The following GPR143 variants were observed in gnomAD, a reference collection of about 807,000 sequenced individuals.
GPR143 encodes the protein G-protein coupled receptor 143.
A neutral mutation model predicts 27.6 loss-of-function variants in GPR143; 8 were observed. The observed-to-expected ratio is 0.29, with a 90% confidence interval of 0.17 to 0.52. GPR143 has a LOEUF of 0.52. Ranked by LOEUF, GPR143 falls within the 20% of genes least tolerant of loss-of-function variation. The pLI is 0.96. For synonymous variants in GPR143, 156 were observed against 153.2 expected (o/e 1.02, Z -0.13); for missense variants, 303 against 343.1 (o/e 0.88, Z 0.92).
chrX:9,775,486 G>A (rs762146377), intron 1 of GPR143, among the ~76,000 whole-genome samples: 1 of 111,536 alleles, frequency 9.0e-6, no homozygotes, highest in Admixed American at 9.6e-5. Context: ...ATCGTCTTTC[G>A]TAACTCTCAC....
intron 3 of GPR143, among the ~76,000 whole-genome samples, chrX:9,753,327 C>T (rs1314798251): frequency 1.9e-5 from 2 of 106,604 alleles, no homozygotes; most frequent in Non-Finnish European, 3.8e-5. Context: ...CACTGCACTC[C>T]AGCCTGGGCG....
chrX:9,731,806 G>A (rs753167587), intron 8 of GPR143, among the ~76,000 whole-genome samples: 4 of 98,525 alleles, frequency 4.1e-5, no homozygotes, highest in Non-Finnish European at 6.3e-5. Context: ...TTGGGGGGGG[G>A]GGGAAGGAAT....
chrX:9,754,099 C>T (rs2083463762), intron 3 of GPR143, among the ~76,000 whole-genome samples: 2 of 111,033 alleles, frequency 1.8e-5, no homozygotes, highest in Non-Finnish European at 1.9e-5. Context: ...GCTGGAGCTC[C>T]ATGGGATGCA....
At chrX:9,729,189 C>T (rs931474235) in intron 8 of GPR143, among the ~76,000 whole-genome samples, 7 of 111,531 alleles carry the variant, frequency 6.3e-5, no homozygotes, top group South Asian at 7.7e-4. Context: ...CTTCCAGTTC[C>T]GGAGCAACAT....
At position 9,733,245 on chromosome X, in the gene GPR143, G is replaced by A. The variant is rs191968008; in HGVS notation, c.1120+6240C>T. On this transcript the variant is annotated intron_variant, in intron 8 of 8. Transcript: ENST00000467482. ...AGGCATTATAGAAAATTGTGAAGCC[G>A]TATTGTGGGAGAAAAAAGGAATCAT... Among the ~76,000 whole-genome samples the A allele has an allele frequency of 4.5e-5, 5 of 111,553 alleles. No homozygotes were observed. The East Asian group carries it at 1.4e-3, about 31-fold the overall frequency.
At chrX:9,726,126 GA>G (rs2083326180) in intron 8 of GPR143, 5 of 289,834 alleles carry the variant, frequency 1.7e-5, no homozygotes, top group African/African-American at 6.0e-5. Context: ...CTGCGGCACA[GA>G]TGCTGCAGGT....
intron 3 of GPR143, among the ~76,000 whole-genome samples, chrX:9,757,929 C>CT (rs750153794): frequency 1.8e-5 from 2 of 110,170 alleles, no homozygotes; most frequent in African/African-American, 3.3e-5. Context: ...GCCTGGCTAT[C>CT]TTTTTTTTAT....
intron 1 of GPR143, among the ~76,000 whole-genome samples, chrX:9,777,235 C>T (rs1231776798): frequency 1.8e-5 from 2 of 112,298 alleles, no homozygotes; most frequent in African/African-American, 6.5e-5. Flanking sequence ...GTATTTGATT[C>T]GGCTTTACAA....
chrX:9,743,495 A>G lies in GPR143; in HGVS notation c.767+70T>C. On this transcript the variant is annotated intron_variant, in intron 6 of 8. Transcript: ENST00000467482. ...CTTTGGAACTTCTGGTCACGCATGC[A>G]ACATGGCAAGTTGTTTCCATAGCCC... 4 of 621,626 alleles carry G rather than the reference A, an allele frequency of 6.4e-6. No homozygotes were observed. The South Asian group carries it at 8.8e-5, about 14-fold the overall frequency. The allele number at this position is 621,626 out of a possible 1,213,427, so 51.2% of individuals were successfully genotyped here.
intron 1 of GPR143, among the ~76,000 whole-genome samples, chrX:9,771,708 TC>T (rs1349257753): frequency 4.1e-5 from 2 of 48,640 alleles, no homozygotes; most frequent in Non-Finnish European, 8.2e-5. Flanking sequence ...GAGCATTCTC[TC>T]TCTTTTTTTT....
chrX:9,749,821 G>T (rs1172063400), intron 3 of GPR143, among the ~76,000 whole-genome samples: 2 of 112,005 alleles, frequency 1.8e-5, no homozygotes, highest in African/African-American at 3.2e-5. Flanking sequence ...AGACTGCAGT[G>T]CAGTGGTGCA....
chrX:9,752,838 G>A (rs2083456918), intron 3 of GPR143, among the ~76,000 whole-genome samples: 1 of 109,607 alleles, frequency 9.1e-6, no homozygotes, highest in Non-Finnish European at 1.9e-5. Flanking sequence ...AGAGTGAGAT[G>A]CAGCTATTAA....
At chrX:9,739,857 G>A in intron 7 of GPR143, 138 bp from the exon 8 acceptor site, 1 of 519,586 alleles carries the variant, frequency 1.9e-6, no homozygotes, top group Non-Finnish European at 3.4e-6. Context: ...TGGGTTGGCT[G>A]GTGGCTGGTT....
chrX:9,773,480 TACAC>T (rs57491053), intron 1 of GPR143, among the ~76,000 whole-genome samples: 1,725 of 102,671 alleles, frequency 0.017, 22 homozygotes, highest in African/African-American at 0.042. Flanking sequence ...GCTTTGAAAG[TACAC>T]ACACACACAC....
chrX:9,745,436 T>A (rs1424727376), intron 5 of GPR143, among the ~76,000 whole-genome samples: 3 of 112,137 alleles, frequency 2.7e-5, no homozygotes, highest in Admixed American at 9.4e-5. Flanking sequence ...TTGAGAGATC[T>A]CTGGCAGCCT....
intron 2 of GPR143, 108 bp from the exon 3 acceptor site, chrX:9,759,534 C>A (rs1454246822): frequency 1.8e-6 from 1 of 545,446 alleles, no homozygotes; most frequent in Admixed American, 2.7e-5. Flanking sequence ...CGTCAGGAAG[C>A]CGCACGTGAC....
chrX:9,743,812 C>T, intron 5 of GPR143, 139 bp from the exon 6 acceptor site: 1 of 513,922 alleles, frequency 1.9e-6, no homozygotes, highest in South Asian at 2.6e-5. Flanking sequence ...ACATTCATTC[C>T]TCACAACTTC....
At position 9,746,132 on chromosome X, in the gene GPR143, G is replaced by C. The variant is rs61733440; in HGVS notation, c.570C>G (p.His190Gln). 1 of 1,187,362 alleles carries C rather than the reference G, an allele frequency of 8.4e-7. No individual in the cohort carries two copies. Among genetic ancestry groups the C allele is most frequent in the Admixed American group, 2.2e-5 (1 of 45,658 alleles). Residue 190 changes from histidine (H) to glutamine (Q), a missense_variant, in exon 5 of 9, where the codon CAC (histidine) becomes CAG (glutamine). His to Gln is a conservative substitution (Grantham distance 24, BLOSUM62 0). Transcript: ENST00000467482. ...SVSRCERGLD[H>Q]AIPHYVTMYL... is the part of the protein sequence containing the mutation. ...ACATGGTGACATAGTGGGGGATGGC[G>C]TGGTCCAGGCCCCGCTCACACCTGA...
chrX:9,737,854 AC>A (rs1466244072), intron 8 of GPR143, among the ~76,000 whole-genome samples: 2 of 111,200 alleles, frequency 1.8e-5, no homozygotes, highest in African/African-American at 3.3e-5. Context: ...AATAAAATAA[AC>A]TAGGCATGGT....
Sources: allele counts gnomAD v4.1 joint callset (sites outside exome capture counted in the v4.1 genomes callset), GRCh38; gene constraint gnomAD v4.1.1; transcripts MANE v1.5; gene names NCBI Gene and HGNC (gene_info 2026-07-23, HGNC 2026-07-21).